The following PHYHIPL variants were observed in gnomAD, a reference collection of about 807,000 sequenced individuals.
PHYHIPL encodes the protein phytanoyl-CoA hydroxylase-interacting protein-like.
Under a neutral mutation model 33.4 loss-of-function variants are expected in PHYHIPL, and 9 were observed. That is an observed-to-expected ratio of 0.27 (90% CI 0.16 to 0.47). PHYHIPL has a LOEUF of 0.47. Ranked by LOEUF, PHYHIPL falls within the 20% of genes least tolerant of loss-of-function variation. PHYHIPL has a pLI of 0.99. For missense variants in PHYHIPL, 365 were observed against 460.7 expected, an observed-to-expected ratio of 0.79 and a Z score of 1.90; for synonymous variants, 153 against 154.1, an observed-to-expected ratio of 0.99 and a Z score of 0.05.
chr10:59,226,413 A>C (rs897181099), intron 1 of PHYHIPL, among the ~76,000 whole-genome samples: 3 of 152,166 alleles, frequency 2.0e-5, no homozygotes, highest in Non-Finnish European at 4.4e-5. Context: ...CAATACAAGC[A>C]AGAGACAAAA....
At chr10:59,176,034 T>C (rs1472479876), upstream of PHYHIPL, among the ~76,000 whole-genome samples, 2 of 152,296 alleles carry the variant, frequency 1.3e-5, no homozygotes, top group Admixed American at 1.3e-4. Context: ...TTCAGTGTCG[T>C]GGACTGGCAA....
intron 1 of PHYHIPL, among the ~76,000 whole-genome samples, chr10:59,207,908 G>A (rs1839332086): frequency 6.6e-6 from 1 of 150,966 alleles, no homozygotes; most frequent in South Asian, 2.1e-4. Flanking sequence ...AAAAAAAAAG[G>A]GCAGCAGCCC....
intron 1 of PHYHIPL, chr10:59,177,506 A>T (rs1838286532): frequency 3.2e-6 from 5 of 1,551,044 alleles, no homozygotes. Flanking sequence ...GCGCAGAAAA[A>T]CAGTGCATTT....
intron 1 of PHYHIPL, among the ~76,000 whole-genome samples, chr10:59,191,395 G>A (rs540147218): frequency 6.6e-6 from 1 of 151,822 alleles, no homozygotes; most frequent in African/African-American, 2.4e-5. Context: ...ATTTGATAAG[G>A]TTTTCTCTAA....
intron 4 of PHYHIPL, among the ~76,000 whole-genome samples, chr10:59,241,920 TACCCACA>T (rs2133301047): frequency 6.6e-6 from 1 of 152,290 alleles, no homozygotes; most frequent in East Asian, 1.9e-4. Context: ...ATGTTCCCTT[TACCCACA>T]GGATTGGGAA....
intron 1 of PHYHIPL, among the ~76,000 whole-genome samples, chr10:59,198,741 G>A (rs894826634): frequency 1.0e-4 from 14 of 137,778 alleles, no homozygotes; most frequent in African/African-American, 3.0e-4. Flanking sequence ...TTTAATGATC[G>A]CCATTCTAAC....
At chr10:59,203,522 G>A (rs1374008865) in intron 1 of PHYHIPL, among the ~76,000 whole-genome samples, 2 of 152,046 alleles carry the variant, frequency 1.3e-5, no homozygotes, top group Admixed American at 1.3e-4. Context: ...CAACCCAAAT[G>A]TCCATCAATG....
upstream of PHYHIPL, among the ~76,000 whole-genome samples, chr10:59,175,940 T>C (rs1241168597): frequency 1.3e-5 from 2 of 152,250 alleles, no homozygotes; most frequent in African/African-American, 4.8e-5. Context: ...CCCCGCAGCA[T>C]GTCTGCCGCC....
chr10:59,245,117 T>C lies in PHYHIPL; in HGVS notation c.657T>C (p.Ser219=), dbSNP rs536102988. The C allele has an allele frequency of 1.2e-6, 2 of 1,613,966 alleles. No individual in the cohort carries two copies. Among genetic ancestry groups the C allele is most frequent in the Non-Finnish European group, 1.7e-6 (2 of 1,180,008 alleles). Residue 219 remains serine, a synonymous_variant, in exon 5 of 5, where the codon TCT becomes TCC. Coordinates refer to ENST00000373880, the MANE Select transcript of PHYHIPL (RefSeq NM_032439.4). ...AGGATAACAGTGGTAGCCATGGCTC[T>C]CCTATCAGTGGAAAATTAGAAGGCA... is the stretch of plus-strand genomic sequence containing the variant. ...SVKDNSGSHG[S]PISGKLEGIF...
chr10:59,180,249 C>CATAT (rs201023924), intron 1 of PHYHIPL, among the ~76,000 whole-genome samples: 59 of 111,470 alleles, frequency 5.3e-4, no homozygotes, highest in African/African-American at 2.5e-3. Context: ...GTCTTTTAAT[C>CATAT]ATATATATAC....
rs35898292 is a variant in PHYHIPL, at chr10:59,180,314, GTATATATATATATATATATATATATA to G, written c.106+3378_106+3403del. ...TATATAATATATATATATAGAAAAA[GTATATATATATATATATATATATATA>G]TATATATATATATATATATATACTT... On this transcript the variant is annotated intron_variant, in intron 1 of 4. Coordinates refer to ENST00000373880, the MANE Select transcript of PHYHIPL (RefSeq NM_032439.4). 5.6e-3 allele frequency among the ~76,000 whole-genome samples: 479 copies of G among 86,156 alleles called. 7 individuals are homozygous for G. The highest frequency in any genetic ancestry group is 0.023 in the Middle Eastern group (4 of 174). 56.5% of individuals were successfully genotyped at this position (86,156 alleles called of 152,430 possible).
chr10:59,177,091 A>T, intron 1 of PHYHIPL, 132 bp downstream of exon 1: 1 of 739,042 alleles, frequency 1.4e-6, no homozygotes, highest in Non-Finnish European at 2.2e-6. Flanking sequence ...ATAAATGCAG[A>T]TGTGGGTTAC....
intron 1 of PHYHIPL, among the ~76,000 whole-genome samples, chr10:59,195,227 A>G (rs1391463345): frequency 6.6e-6 from 1 of 152,174 alleles, no homozygotes. Flanking sequence ...CTGTGAATGC[A>G]TTGTGTAGGG....
At position 59,236,628 on chromosome 10, in the gene PHYHIPL, G is replaced by A. The variant is rs759369880; in HGVS notation, c.449G>A (p.Trp150Ter). The change falls in exon 3 of 5, where the codon TGG (tryptophan) becomes TAG (stop). Residue 150 changes from tryptophan to a stop codon, truncating the protein, a stop_gained. Coordinates refer to ENST00000373880, the MANE Select transcript of PHYHIPL (RefSeq NM_032439.4). LOFTEE classifies it high-confidence loss of function. Reference protein sequence around the residue: ...QVDGDYVVSEWSEIIEFCTAD... With the variant: ...QVDGDYVVSE ...GATGGTGATTATGTTGTGTCTGAAT[G>A]GAGTGAAATTATAGAATTCTGCACC... The A allele has an allele frequency of 3.1e-6, 5 of 1,605,340 alleles. No homozygotes were observed. The Admixed American group carries it at 8.5e-5, about 27-fold the overall frequency.
intron 2 of PHYHIPL, 134 bp from the exon 3 acceptor site, chr10:59,236,349 C>G: frequency 2.1e-6 from 1 of 467,918 alleles, no homozygotes. Context: ...TTCCTTCCCT[C>G]CCTCCTTCCC....
chr10:59,239,874 A>AT (rs11371930), intron 4 of PHYHIPL, among the ~76,000 whole-genome samples: 150,208 of 152,068 alleles, frequency 0.99, 74,209 homozygotes, highest in Middle Eastern at 1. Flanking sequence ...ACTCTAAAGC[A>AT]TCTTAAGTTG....
At chr10:59,193,209 T>G (rs1489840224) in intron 1 of PHYHIPL, among the ~76,000 whole-genome samples, 1 of 152,088 alleles carries the variant, frequency 6.6e-6, no homozygotes, top group African/African-American at 2.4e-5. Flanking sequence ...ATAATTATAT[T>G]TGGTAGGTTG....
chr10:59,212,798 A>G (rs1441783493), intron 1 of PHYHIPL, among the ~76,000 whole-genome samples: 1 of 152,188 alleles, frequency 6.6e-6, no homozygotes, highest in Non-Finnish European at 1.5e-5. Context: ...CCAAACTGTA[A>G]TTGAAGTGTA....
chr10:59,207,028 TTCA>T (rs1839303577), intron 1 of PHYHIPL, among the ~76,000 whole-genome samples: 1 of 152,172 alleles, frequency 6.6e-6, no homozygotes, highest in Admixed American at 6.5e-5. Context: ...ACAGAGATCT[TTCA>T]GTTAAAGCAG....
Sources: gnomAD v4.1 joint callset for allele counts (sites outside exome capture counted in the v4.1 genomes callset) on GRCh38, gnomAD v4.1.1 for gene constraint, MANE v1.5 for transcripts, NCBI Gene and HGNC (gene_info 2026-07-23, HGNC 2026-07-21) for gene names.